DNAH11: variants seen among roughly 807,000 people sequenced by gnomAD.
DNAH11 encodes the protein axonemal beta dynein heavy chain 11.
Under a neutral mutation model 526.0 loss-of-function variants are expected in DNAH11, and 442 were observed. The observed-to-expected ratio is 0.84, with a 90% CI of 0.78 to 0.91. The LOEUF (loss-of-function observed/expected upper bound fraction) is 0.91. DNAH11 is among the 40% of genes least tolerant of loss of function. DNAH11 has a pLI of 0.00. For missense variants in DNAH11, 6,989 were observed against 5,448.7 expected, an observed-to-expected ratio of 1.28 and a Z score of -8.90; for synonymous variants, 2,461 against 1,935.9, an observed-to-expected ratio of 1.27 and a Z score of -7.12.
In DNAH11 at chr7:21,642,787, TGAATAGACCAGCCAGGGAGGTCTGA is replaced by T. The variant is rs1232252389; in HGVS notation, c.4944+3723_4944+3747del. ...AGTTAATTGTGGAATGTGATCAGCT[TGAATAGACCAGCCAGGGAGGTCTGA>T]TAACCACTACAACCGCCATTCTGCA... On this transcript the variant is annotated intron_variant, in intron 28 of 81. Transcript: ENST00000409508. Among the ~76,000 whole-genome samples the T allele has an allele frequency of 2.2e-4, 34 of 152,192 alleles. No homozygotes were observed. In the East Asian group the frequency reaches 4.5e-3, roughly 20 times the overall value.
At chr7:21,816,281 T>G (rs1028476776) in intron 63 of DNAH11, among the ~76,000 whole-genome samples, 186 bp from the exon 64 acceptor site, 1 of 152,166 alleles carries the variant, frequency 6.6e-6, no homozygotes, top group Admixed American at 6.5e-5. Context: ...TTCTGAGATG[T>G]AAATACTGGA....
At position 21,616,283 on chromosome 7, in the gene DNAH11, G is replaced by T. The variant is rs937803770; in HGVS notation, c.4086G>T (p.Arg1362Ser). 3 of 1,611,268 alleles carry T rather than the reference G, an allele frequency of 1.9e-6. No individual in the cohort carries two copies. Among genetic ancestry groups the T allele is most frequent in the Non-Finnish European group, 2.5e-6 (3 of 1,178,404 alleles). Residue 1362 changes from arginine (R) to serine (S), a missense_variant, in exon 22 of 82, where the codon AGG (arginine) becomes AGT (serine). By Grantham distance (110) the Arg-to-Ser change is moderately radical (BLOSUM62 -1). Transcript: ENST00000409508. ...AACAGATGGATGTAGAACTCAGAAG[G>T]TTTGCCAAGGCGAGTTCCATAACTG... ...HVEQMDVELR[R>S]FAKEIWSLNK...
intron 5 of DNAH11, among the ~76,000 whole-genome samples, chr7:21,562,052 T>C (rs1783480083): frequency 6.6e-6 from 1 of 151,466 alleles, no homozygotes; most frequent in African/African-American, 2.4e-5. Flanking sequence ...CTCTGTAAGA[T>C]CTGAATTCCT....
intron 61 of DNAH11, among the ~76,000 whole-genome samples, chr7:21,797,047 G>A (rs956990851): frequency 2.6e-5 from 4 of 151,866 alleles, no homozygotes; most frequent in African/African-American, 9.7e-5. Flanking sequence ...AGGAGAGAAT[G>A]GGTGGTGAGA....
At chr7:21,802,936 C>CTA (rs148943827) in intron 62 of DNAH11, among the ~76,000 whole-genome samples, 9 of 149,034 alleles carry the variant, frequency 6.0e-5, no homozygotes, top group South Asian at 2.1e-4. Context: ...TTGTGCAAGT[C>CTA]TATATATATA....
chr7:21,597,960 C>T (rs993876396), intron 14 of DNAH11, among the ~76,000 whole-genome samples: 3 of 152,102 alleles, frequency 2.0e-5, no homozygotes, highest in Non-Finnish European at 4.4e-5. Flanking sequence ...GTGAATGGTT[C>T]CACCTGGCTG....
chr7:21,827,985 G>T (rs550088182), intron 65 of DNAH11, among the ~76,000 whole-genome samples: 1 of 149,614 alleles, frequency 6.7e-6, no homozygotes, highest in South Asian at 2.1e-4. Context: ...GTCTTGCTCT[G>T]TCGCCCAGGC....
chr7:21,673,104 T>G (rs1239040430), intron 30 of DNAH11, among the ~76,000 whole-genome samples: 17 of 152,222 alleles, frequency 1.1e-4, no homozygotes, highest in Admixed American at 9.8e-4. Flanking sequence ...TTTCTATGTT[T>G]ATATAAATAA....
rs1784444258 is a variant in DNAH11 at position 21,894,677 on chromosome 7, G to A, written c.12805G>A (p.Ala4269Thr). 1 of 1,613,954 alleles carries A rather than the reference G, an allele frequency of 6.2e-7. No homozygotes were observed. The highest frequency in any genetic ancestry group is 8.5e-7 in the Non-Finnish European group (1 of 1,179,868). ...LEKLPEEFNMAEIMQKNSNRS... is the reference protein window; with the variant it reads ...LEKLPEEFNMTEIMQKNSNRS... ...GAAACTTCCAGAAGAGTTCAACATG[G>A]CAGAGATAATGCAAAAAAATTCAAA... The change falls in exon 78 of 82, where the codon GCA becomes ACA. Residue 4269 changes from alanine (A) to threonine (T), a missense_variant. Physicochemically the swap from Ala to Thr is moderately conservative, Grantham distance 58 (BLOSUM62 0). Coordinates refer to ENST00000409508, the MANE Select transcript of DNAH11 (RefSeq NM_001277115.2).
At chr7:21,742,826 C>T (rs529550193) in intron 49 of DNAH11, among the ~76,000 whole-genome samples, 51 of 152,250 alleles carry the variant, frequency 3.3e-4, no homozygotes, top group African/African-American at 1.1e-3. Context: ...TCTGCGCTTC[C>T]GTGACAAAAT....
At chr7:21,547,064 C>T (rs1782829230) in intron 2 of DNAH11, among the ~76,000 whole-genome samples, 1 of 152,160 alleles carries the variant, frequency 6.6e-6, no homozygotes, top group South Asian at 2.1e-4. Context: ...GCAAAAACTA[C>T]ACAAACTGAC....
At chr7:21,569,349 A>G (rs1222282738) in intron 6 of DNAH11, among the ~76,000 whole-genome samples, 1 of 152,210 alleles carries the variant, frequency 6.6e-6, no homozygotes, top group Non-Finnish European at 1.5e-5. Flanking sequence ...CAGAATGCAG[A>G]GGTTCTTGGT....
chr7:21,901,061 T>C lies in DNAH11; in HGVS notation c.13358T>C (p.Leu4453Pro). The change falls in exon 82 of 82, where the codon CTG (leucine) becomes CCG (proline). Residue 4453 changes from leucine (L) to proline (P), a missense_variant. Coordinates refer to ENST00000409508, the MANE Select transcript of DNAH11 (RefSeq NM_001277115.2). ...ATTGTTGAAGCCCGTCTCAAGGAGC[T>C]GGCATGCCCTATGCCGGTCATCTTT... ...GTIVEARLKELACPMPVIFAK... is the reference protein window; with the variant it reads ...GTIVEARLKEPACPMPVIFAK... 1 of 1,613,552 alleles carries C rather than the reference T, an allele frequency of 6.2e-7. No individual in the cohort carries two copies.
intron 45 of DNAH11, among the ~76,000 whole-genome samples, chr7:21,731,872 T>C (rs946031916): frequency 8.5e-5 from 13 of 152,328 alleles, no homozygotes; most frequent in Admixed American, 4.6e-4. Flanking sequence ...ACCCTTATTT[T>C]ACATAATAAT....
At chr7:21,684,054 A>G (rs1783264438) in intron 32 of DNAH11, 110 bp downstream of exon 32, 2 of 1,166,830 alleles carry the variant, frequency 1.7e-6, no homozygotes, top group Non-Finnish European at 2.4e-6. Context: ...GAACTATGTG[A>G]AAGTGGTGAA....
chr7:21,607,087 A>G (rs1159330543), intron 20 of DNAH11, among the ~76,000 whole-genome samples: 1 of 152,160 alleles, frequency 6.6e-6, no homozygotes, highest in Non-Finnish European at 1.5e-5. Context: ...CTGAGTCTCA[A>G]AACCTCAAAA....
At position 21,901,093 on chromosome 7, in the gene DNAH11, G is replaced by C. The variant is rs765681381; in HGVS notation, c.13390G>C (p.Ala4464Pro). 3.7e-6 allele frequency: 6 copies of C among 1,613,722 alleles called. No homozygotes were observed. The highest frequency in any genetic ancestry group is 5.1e-6 in the Non-Finnish European group (6 of 1,179,696). Reference sequence around the variant, plus strand: ...CCCTATGCCGGTCATCTTTGCAAAAGCCACCCCCGTGGACAGACAAGAAAC... The same window carrying C: ...CCCTATGCCGGTCATCTTTGCAAAACCCACCCCCGTGGACAGACAAGAAAC... ...ACPMPVIFAK[A>P]TPVDRQETKQ... The change falls in exon 82 of 82, where the codon GCC becomes CCC. Residue 4464 changes from alanine (A) to proline (P), a missense_variant. Coordinates refer to ENST00000409508, the MANE Select transcript of DNAH11 (RefSeq NM_001277115.2).
rs1448455742 is a variant in DNAH11 at position 21,687,107 on chromosome 7, T to G, written c.5630T>G (p.Ile1877Ser). The G allele has an allele frequency of 1.9e-6, 3 of 1,612,450 alleles. No homozygotes were observed. The highest frequency in any genetic ancestry group is 1.3e-5 in the African/African-American group (1 of 74,894). ...TTTTCTATTGCTTAAAGGTGTTATA[T>G]TACCTTAACTCAATCACTTCATCTA... ...VITPLTDRCY[I>S]TLTQSLHLTM... The change falls in exon 33 of 82, where the codon ATT becomes AGT. Residue 1877 changes from isoleucine to serine, a missense_variant. Coordinates refer to ENST00000409508, the MANE Select transcript of DNAH11 (RefSeq NM_001277115.2).
intron 5 of DNAH11, among the ~76,000 whole-genome samples, chr7:21,563,140 A>T (rs935169457): frequency 2.1e-4 from 32 of 152,218 alleles, no homozygotes; most frequent in Middle Eastern, 3.2e-3. Flanking sequence ...TCAATTAAGC[A>T]GTCATTAATG....
Sources: allele counts gnomAD v4.1 joint callset (sites outside exome capture counted in the v4.1 genomes callset), GRCh38; gene constraint gnomAD v4.1.1; transcripts MANE v1.5; gene names NCBI Gene and HGNC (gene_info 2026-07-23, HGNC 2026-07-21).